The following AFG2A variants were observed in gnomAD, a reference collection of about 807,000 sequenced individuals.
The protein encoded by AFG2A is ATPase family gene 2 protein homolog A.
the AFG2A span, among the ~76,000 whole-genome samples, chr4:123,154,762 G>A: frequency 2.0e-5 from 3 of 152,076 alleles, no homozygotes; most frequent in African/African-American, 7.2e-5. Flanking sequence ...TAAGAGAAAA[G>A]CATAGTGCCT....
chr4:123,017,052 A>G, the AFG2A span, among the ~76,000 whole-genome samples: 11 of 151,984 alleles, frequency 7.2e-5, no homozygotes, highest in Non-Finnish European at 1.2e-4. Flanking sequence ...GGGAGGCTGC[A>G]GTGAGCCGAG....
At chr4:123,301,171 G>A in the AFG2A span, among the ~76,000 whole-genome samples, 109,748 of 152,066 alleles carry the variant, frequency 0.72, 40,868 homozygotes, top group Non-Finnish European at 0.81. Flanking sequence ...ATACATGGGT[G>A]TATGTTTTCA....
the AFG2A span, among the ~76,000 whole-genome samples, chr4:122,963,222 G>T: frequency 6.6e-6 from 1 of 152,204 alleles, no homozygotes; most frequent in Non-Finnish European, 1.5e-5. Flanking sequence ...AATACAGTGT[G>T]TTGGGTGTTA....
the AFG2A span, among the ~76,000 whole-genome samples, chr4:123,020,626 T>C: frequency 2.6e-5 from 4 of 152,192 alleles, no homozygotes; most frequent in African/African-American, 9.6e-5. Flanking sequence ...ATTGGGATTA[T>C]AATGTATTAA....
At chr4:123,130,594 G>T in the AFG2A span, among the ~76,000 whole-genome samples, 1 of 152,086 alleles carries the variant, frequency 6.6e-6, no homozygotes, top group Non-Finnish European at 1.5e-5. Context: ...TCAGTAGTTT[G>T]TTCCTTTTTT....
chr4:123,040,476 T>G, the AFG2A span, among the ~76,000 whole-genome samples: 1 of 152,188 alleles, frequency 6.6e-6, no homozygotes, highest in Non-Finnish European at 1.5e-5. Context: ...GACAAAGACT[T>G]TATGTGGCAT....
At chr4:123,091,613 A>G in the AFG2A span, among the ~76,000 whole-genome samples, 7,224 of 152,306 alleles carry the variant, frequency 0.047, 298 homozygotes, top group African/African-American at 0.12. Context: ...TTTTTAAAGT[A>G]ATTAGAATAA....
the AFG2A span, among the ~76,000 whole-genome samples, chr4:123,305,730 C>T: frequency 6.6e-6 from 1 of 152,044 alleles, no homozygotes; most frequent in Admixed American, 6.5e-5. Flanking sequence ...GCTTAGAAAC[C>T]ATGTTGGTTT....
the AFG2A span, among the ~76,000 whole-genome samples, chr4:123,148,533 A>G: frequency 2.0e-5 from 3 of 152,296 alleles, no homozygotes; most frequent in East Asian, 5.8e-4. Flanking sequence ...AATATGTGCC[A>G]TTAAGTGTGT....
the AFG2A span, among the ~76,000 whole-genome samples, chr4:123,196,252 G>T: frequency 7.2e-6 from 1 of 139,654 alleles, no homozygotes; most frequent in Admixed American, 8.0e-5. Flanking sequence ...CTCGTGATCC[G>T]CCCACCTTGG....
the AFG2A span, among the ~76,000 whole-genome samples, chr4:123,044,165 C>G: frequency 6.6e-6 from 1 of 152,170 alleles, no homozygotes; most frequent in Admixed American, 6.6e-5. Context: ...TGCAGCTGAT[C>G]TGGGCATAAG....
At chr4:123,016,526 C>T in the AFG2A span, among the ~76,000 whole-genome samples, 143 of 150,480 alleles carry the variant, frequency 9.5e-4, 3 homozygotes, top group East Asian at 0.015. Flanking sequence ...AGACGATGGG[C>T]GGCTGGGCAG....
the AFG2A span, among the ~76,000 whole-genome samples, chr4:123,118,070 A>AT: frequency 6.6e-6 from 1 of 151,408 alleles, no homozygotes; most frequent in Non-Finnish European, 1.5e-5. Context: ...TTACTGTTTC[A>AT]TTTTTTAAAA....
At chr4:123,129,023 C>G in the AFG2A span, among the ~76,000 whole-genome samples, 1 of 151,986 alleles carries the variant, frequency 6.6e-6, no homozygotes, top group South Asian at 2.1e-4. Context: ...TATGTTGTAT[C>G]CTTTGTTAAA....
chr4:123,017,243 G>GGAGAGGGAGAGC, the AFG2A span, among the ~76,000 whole-genome samples: 5 of 139,700 alleles, frequency 3.6e-5, no homozygotes, highest in Non-Finnish European at 7.6e-5. Context: ...AAAGGGAGAG[G>GGAGAGGGAGAGC]GAGAGGGAGA....
the AFG2A span, among the ~76,000 whole-genome samples, chr4:122,961,956 G>T: frequency 3.9e-5 from 6 of 152,330 alleles, no homozygotes; most frequent in Non-Finnish European, 8.8e-5. Flanking sequence ...TGGCACCAGG[G>T]ACCGGTTTTG....
At chr4:123,228,364 T>C in the AFG2A span, among the ~76,000 whole-genome samples, 5 of 152,050 alleles carry the variant, frequency 3.3e-5, no homozygotes, top group East Asian at 7.7e-4. Context: ...GTACCGGTTG[T>C]TCCTTTCCAT....
the AFG2A span, among the ~76,000 whole-genome samples, chr4:122,968,648 G>A: frequency 6.6e-6 from 1 of 152,184 alleles, no homozygotes; most frequent in Non-Finnish European, 1.5e-5. Context: ...TCTTGCACAT[G>A]CCTTTTGCTG....
At chr4:123,227,342 G>A in the AFG2A span, among the ~76,000 whole-genome samples, 1 of 151,810 alleles carries the variant, frequency 6.6e-6, no homozygotes, top group Non-Finnish European at 1.5e-5. Flanking sequence ...TCTCTTGTGG[G>A]CATTTAGTGC....
Sources: allele counts gnomAD v4.1 joint callset (sites outside exome capture counted in the v4.1 genomes callset), GRCh38; gene constraint gnomAD v4.1.1; transcripts MANE v1.5; gene names NCBI Gene and HGNC (gene_info 2026-07-23, HGNC 2026-07-21).